Variants in EPM2A observed in about 807,000 individuals in gnomAD.
The protein encoded by EPM2A is laforin.
Under a neutral mutation model 26.5 loss-of-function variants are expected in EPM2A, and 21 were observed. The ratio of observed to expected loss-of-function variants is 0.79; its 90% CI spans 0.56 to 1.14. The LOEUF (loss-of-function observed/expected upper bound fraction) is 1.14, where lower values mean the gene tolerates loss of function less well. Among genes scored for constraint, EPM2A ranks in the 50% most tolerant of loss-of-function variants. The pLI, the probability that EPM2A is intolerant of heterozygous loss-of-function variation, is 0.00. For synonymous variants in EPM2A, 217 were observed against 177.6 expected (o/e 1.22, Z -1.76); for missense variants, 458 against 440.8 (o/e 1.04, Z -0.35).
intron 4 of EPM2A, among the ~76,000 whole-genome samples, chr6:145,453,068 T>C (rs989908990): frequency 1.3e-5 from 2 of 152,206 alleles, no homozygotes; most frequent in Non-Finnish European, 2.9e-5. Flanking sequence ...ATATTTATTG[T>C]TAAAGTTGTT....
intron 1 of EPM2A, among the ~76,000 whole-genome samples, chr6:145,696,908 G>A (rs1233401080): frequency 6.6e-6 from 1 of 151,792 alleles, no homozygotes; most frequent in Non-Finnish European, 1.5e-5. Flanking sequence ...TTGGATACAT[G>A]AGCACCAGCC....
chr6:145,432,500 C>CG (rs1778934710), intron 4 of EPM2A, among the ~76,000 whole-genome samples: 1 of 147,164 alleles, frequency 6.8e-6, no homozygotes, highest in Non-Finnish European at 1.5e-5. Flanking sequence ...TTTTTTGAGT[C>CG]TTTTTTTTTT....
intron 2 of EPM2A, among the ~76,000 whole-genome samples, chr6:145,541,175 A>ATC (rs1554248821): frequency 1.8e-4 from 11 of 60,816 alleles, no homozygotes; most frequent in South Asian, 2.1e-3. Context: ...GAATATATAT[A>ATC]TCTGTGTGTG....
At chr6:145,410,865 T>C (rs1357337198) in intron 4 of EPM2A, among the ~76,000 whole-genome samples, 1 of 152,200 alleles carries the variant, frequency 6.6e-6, no homozygotes, top group Non-Finnish European at 1.5e-5. Context: ...CCCAGCCACA[T>C]TTACAATTCT....
chr6:145,510,612 T>C (rs765944252), intron 2 of EPM2A, among the ~76,000 whole-genome samples: 1 of 152,108 alleles, frequency 6.6e-6, no homozygotes, highest in Non-Finnish European at 1.5e-5. Flanking sequence ...GGAATATTTA[T>C]AGTGCTAAAT....
chr6:145,478,393 C>A (rs1275547551), intron 4 of EPM2A, among the ~76,000 whole-genome samples: 1 of 151,804 alleles, frequency 6.6e-6, no homozygotes, highest in Non-Finnish European at 1.5e-5. Flanking sequence ...TATCAAAATA[C>A]CAATGACATT....
At chr6:145,687,795 A>G (rs1437238427) in intron 1 of EPM2A, among the ~76,000 whole-genome samples, 1 of 152,174 alleles carries the variant, frequency 6.6e-6, no homozygotes, top group Admixed American at 6.5e-5. Context: ...TTAATAAACC[A>G]TTACTGATCT....
chr6:145,647,968 A>G (rs984584417), intron 2 of EPM2A, among the ~76,000 whole-genome samples: 4 of 152,208 alleles, frequency 2.6e-5, no homozygotes, highest in Admixed American at 6.5e-5. Flanking sequence ...ATATAAAACT[A>G]TGTAACTCAA....
At chr6:145,613,232 T>C (rs577514695) in intron 2 of EPM2A, among the ~76,000 whole-genome samples, 1 of 152,214 alleles carries the variant, frequency 6.6e-6, no homozygotes, top group Non-Finnish European at 1.5e-5. Flanking sequence ...AAGCAACTTC[T>C]CATCTGTTCA....
intron 2 of EPM2A, among the ~76,000 whole-genome samples, chr6:145,654,858 G>C (rs1304990577): frequency 6.6e-6 from 1 of 152,070 alleles, no homozygotes; most frequent in Non-Finnish European, 1.5e-5. Flanking sequence ...TAATATTTCT[G>C]TGTTTCTAGA....
chr6:145,668,285 C>A (rs1779383208), intron 2 of EPM2A, among the ~76,000 whole-genome samples: 1 of 151,808 alleles, frequency 6.6e-6, no homozygotes, highest in Admixed American at 6.6e-5. Context: ...ATGAGACAAG[C>A]AATTAACATA....
chr6:145,414,981 T>C (rs1272663906), intron 4 of EPM2A, among the ~76,000 whole-genome samples: 1 of 152,222 alleles, frequency 6.6e-6, no homozygotes, highest in African/African-American at 2.4e-5. Context: ...CCCCGTATCC[T>C]ACTTTGTCTC....
chr6:145,388,070 A>AT (rs1778287259), intron 4 of EPM2A, among the ~76,000 whole-genome samples: 2 of 152,336 alleles, frequency 1.3e-5, no homozygotes, highest in South Asian at 4.1e-4. Context: ...TTAAACATAC[A>AT]TTTTTTAAAA....
At chr6:145,714,666 A>C (rs977595149) in intron 1 of EPM2A, among the ~76,000 whole-genome samples, 3 of 152,232 alleles carry the variant, frequency 2.0e-5, no homozygotes, top group Non-Finnish European at 4.4e-5. Flanking sequence ...AAGCCTCACA[A>C]TCATGGCAGA....
intron 2 of EPM2A, among the ~76,000 whole-genome samples, chr6:145,607,706 T>A (rs184630007): frequency 6.6e-6 from 1 of 152,278 alleles, no homozygotes; most frequent in African/African-American, 2.4e-5. Context: ...AACACTAGCC[T>A]GTGGCTTGAA....
At chr6:145,578,400 C>T (rs1467584309) in intron 2 of EPM2A, among the ~76,000 whole-genome samples, 1 of 152,078 alleles carries the variant, frequency 6.6e-6, no homozygotes, top group African/African-American at 2.4e-5. Flanking sequence ...AGATTAGAGA[C>T]TATTATGAAC....
intron 2 of EPM2A, chr6:145,638,895 T>C (rs1776885589): frequency 1.3e-5 from 2 of 152,234 alleles, no homozygotes; most frequent in South Asian, 2.1e-4. Flanking sequence ...ATACATGATA[T>C]GCTTTCTAAA....
intron 2 of EPM2A, among the ~76,000 whole-genome samples, chr6:145,591,625 A>G (rs1781274281): frequency 6.6e-6 from 1 of 152,144 alleles, no homozygotes; most frequent in Non-Finnish European, 1.5e-5. Context: ...TGAAGGAGAA[A>G]CACTTTATCA....
At position 145,513,410 on chromosome 6, in the gene EPM2A, A is replaced by T. The variant is rs552925360; in HGVS notation, c.341-10835T>A. Among the ~76,000 whole-genome samples, 7 of 152,334 alleles carry T rather than the reference A, an allele frequency of 4.6e-5. No homozygotes were observed. In the East Asian group the frequency reaches 1.3e-3, roughly 29 times the overall value. ...TTAAAAAGCCAAAAAAAATATTGGC[A>T]TGAATGCAGAGAAAAGGGAATGCTC... On this transcript the variant is annotated intron_variant, in intron 2 of 3. Coordinates refer to the EPM2A transcript ENST00000450221.
Sources: allele counts gnomAD v4.1 joint callset (sites outside exome capture counted in the v4.1 genomes callset), GRCh38; gene constraint gnomAD v4.1.1; transcripts MANE v1.5; gene names NCBI Gene and HGNC (gene_info 2026-07-23, HGNC 2026-07-21).